The following IGF2BP1 variants were observed in gnomAD, a reference collection of about 807,000 sequenced individuals.
IGF2BP1 encodes the protein insulin-like growth factor 2 mRNA-binding protein 1.
In IGF2BP1, 11 loss-of-function variants were observed where a neutral mutation model predicts 74.9. That is an observed-to-expected ratio of 0.15 (90% CI 0.09 to 0.24). The LOEUF (loss-of-function observed/expected upper bound fraction) is 0.24. Ranked by LOEUF, IGF2BP1 falls within the 10% of genes least tolerant of loss-of-function variation. IGF2BP1 has a pLI of 1.00. For missense variants in IGF2BP1, 440 were observed against 757.4 expected (o/e 0.58, Z 4.92); for synonymous variants, 287 against 281.8 (o/e 1.02, Z -0.18).
Position 48,997,721 on chromosome 17 carries a change from C to G in IGF2BP1, c.-25C>G. ...CCGCTCGTTCGGCCTTGCCCGGGAC[C>G]GCGTCCTGCCCCGAGACCGCCACCA... On this transcript the variant is annotated 5_prime_UTR_variant, in exon 1 of 15. Coordinates refer to ENST00000290341, the MANE Select transcript of IGF2BP1 (RefSeq NM_006546.4). The surrounding 1 kb of genome is among the most constrained non-coding windows in gnomAD (Gnocchi z 4.8). The G allele has an allele frequency of 6.2e-7, 1 of 1,606,540 alleles. No homozygotes were observed. The highest frequency in any genetic ancestry group is 8.5e-7 in the Non-Finnish European group (1 of 1,175,626).
chr17:49,009,806 G>A (rs546698713), intron 2 of IGF2BP1, among the ~76,000 whole-genome samples: 8 of 151,966 alleles, frequency 5.3e-5, no homozygotes, highest in East Asian at 1.9e-4. Context: ...ATACCTGGGC[G>A]CGGTTGCTCA....
chr17:49,015,768 C>G (rs1051305766), intron 2 of IGF2BP1, among the ~76,000 whole-genome samples: 1 of 152,196 alleles, frequency 6.6e-6, no homozygotes, highest in Non-Finnish European at 1.5e-5. Flanking sequence ...CCCAGAGCTT[C>G]TGTTTTGGCC....
intron 5 of IGF2BP1, chr17:49,036,574 C>T (rs2041991450): frequency 6.6e-6 from 1 of 152,172 alleles, no homozygotes; most frequent in Non-Finnish European, 1.5e-5. Context: ...TCCTCAATTG[C>T]TGCTTCAACA....
At chr17:49,014,869 G>T in intron 2 of IGF2BP1, 1 of 985,390 alleles carries the variant, frequency 1.0e-6, no homozygotes, top group Non-Finnish European at 1.2e-6. Context: ...TGCTTTGGAG[G>T]CTGGTCTGGT....
chr17:48,999,019 C>A, intron 1 of IGF2BP1, 90 bp from the exon 2 acceptor site: 1 of 782,542 alleles, frequency 1.3e-6, no homozygotes, highest in Non-Finnish European at 2.2e-6. Context: ...CCAGTAACTC[C>A]TGAATTATCC....
At chr17:49,005,470 G>T (rs2041540466) in intron 2 of IGF2BP1, among the ~76,000 whole-genome samples, 1 of 152,176 alleles carries the variant, frequency 6.6e-6, no homozygotes, top group South Asian at 2.1e-4. Context: ...AGACCCCTTA[G>T]GACAAGTCTG....
chr17:49,040,016 C>G lies in IGF2BP1; in HGVS notation c.743C>G (p.Ser248Cys). The G allele has an allele frequency of 1.2e-6, 2 of 1,613,712 alleles. No homozygotes were observed. The highest frequency in any genetic ancestry group is 1.7e-6 in the Non-Finnish European group (2 of 1,179,996). The part of the protein sequence containing the change: ...GAAEKAISVH[S>C]TPEGCSSACK... ...GCTGAAAAAGCCATCAGTGTGCACT[C>G]CACCCCTGAGGGCTGCTCCTCCGCT... Residue 248 changes from serine (S) to cysteine (C), a missense_variant, in exon 7 of 15, where the codon TCC becomes TGC. Around this residue, in one of 5 missense-constraint regions of IGF2BP1, gnomAD observed 184 missense variants for 273.4 expected, o/e 0.67. Coordinates refer to ENST00000290341, the MANE Select transcript of IGF2BP1 (RefSeq NM_006546.4).
At chr17:49,023,997 A>G (rs1309312790) in intron 2 of IGF2BP1, among the ~76,000 whole-genome samples, 2 of 149,224 alleles carry the variant, frequency 1.3e-5, no homozygotes, top group African/African-American at 5.0e-5. Flanking sequence ...GCTCACTGCA[A>G]CCTCTGCCTC....
intron 8 of IGF2BP1, among the ~76,000 whole-genome samples, 199 bp downstream of exon 8, chr17:49,041,699 G>C (rs951538207): frequency 6.6e-6 from 1 of 152,164 alleles, no homozygotes; most frequent in African/African-American, 2.4e-5. Context: ...CTGCCATATG[G>C]GGCAGGGGTG....
intron 7 of IGF2BP1, among the ~76,000 whole-genome samples, chr17:49,040,497 G>A (rs1447420616): frequency 2.0e-5 from 3 of 152,174 alleles, no homozygotes; most frequent in East Asian, 1.9e-4. Context: ...GATTACAGGC[G>A]TGTGCCACCA....
At position 49,033,845 on chromosome 17, in the gene IGF2BP1, ACT is replaced by A. The variant is rs879827248; in HGVS notation, c.401+1878_401+1879del. ...AAATAATTATTTTATTTTTTGAGAC[ACT>A]CTCTCCCTGTTGCCCAGGCTGGAGT... On this transcript the variant is annotated intron_variant, in intron 5 of 14. Transcript: ENST00000290341. 3.8e-4 allele frequency among the ~76,000 whole-genome samples: 58 copies of A among 151,498 alleles called. No individual in the cohort carries two copies. The Middle Eastern group carries it at 0.01, about 27-fold the overall frequency.
intron 2 of IGF2BP1, 104 bp from the exon 3 acceptor site, chr17:49,025,514 G>T: frequency 1.1e-6 from 1 of 946,516 alleles, no homozygotes; most frequent in Non-Finnish European, 1.7e-6. Flanking sequence ...TTGGTGAGCA[G>T]AAGGTGGGGA....
chr17:49,046,370 T>C lies in IGF2BP1; in HGVS notation c.1638T>C (p.Ser546=), dbSNP rs1288507051. Residue 546 remains serine, a synonymous_variant, in exon 14 of 15, where the codon AGT becomes AGC. Transcript: ENST00000290341. The stretch of plus-strand genomic sequence containing the variant: ...AAATCATCGGACATTTCTATGCCAG[T>C]CAGGTACATATGGTGCTCCCCCATT... ...IVKIIGHFYA[S]QMAQRKIRDI... is the part of the protein sequence containing the mutation. 1 of 1,611,600 alleles carries C rather than the reference T, an allele frequency of 6.2e-7. No individual in the cohort carries two copies.
In IGF2BP1 at chr17:49,038,164, C is replaced by G; in HGVS notation, c.402-4C>G. ...TGACCTGTAGACTCTCACTCTGTCCCCAGAGCCATCATGAAGCTGAATGGC... is the reference window on the plus strand; with the variant it reads ...TGACCTGTAGACTCTCACTCTGTCCGCAGAGCCATCATGAAGCTGAATGGC... On this transcript the variant is annotated splice_region_variant and splice_polypyrimidine_tract_variant and intron_variant, in intron 5 of 14. Coordinates refer to ENST00000290341, the MANE Select transcript of IGF2BP1 (RefSeq NM_006546.4). 6.7e-7 allele frequency: 1 copy of G among 1,502,746 alleles called. No individual in the cohort carries two copies. The highest frequency in any genetic ancestry group is 8.9e-7 in the Non-Finnish European group (1 of 1,122,740). 93.1% of individuals were successfully genotyped at this position (1,502,746 alleles called of 1,614,324 possible).
intron 6 of IGF2BP1, among the ~76,000 whole-genome samples, chr17:49,039,321 A>C (rs2042023421): frequency 6.6e-6 from 1 of 152,188 alleles, no homozygotes; most frequent in African/African-American, 2.4e-5. Context: ...GGACATACGG[A>C]ATTCAAGCGG....
In IGF2BP1 at chr17:49,020,352, C is replaced by T. The variant is rs945275311; in HGVS notation, c.237-5266C>T. ...CCACCACACCTGGCCCTAACTTCTCCTTTAAAGGAAGGGAATTAACACGCC... is the reference window on the plus strand; with the variant it reads ...CCACCACACCTGGCCCTAACTTCTCTTTTAAAGGAAGGGAATTAACACGCC... On this transcript the variant is annotated intron_variant, in intron 2 of 14. Transcript: ENST00000290341. Among the ~76,000 whole-genome samples the T allele has an allele frequency of 4.6e-5, 7 of 152,152 alleles. No individual in the cohort carries two copies. In the South Asian group the frequency reaches 1.5e-3, roughly 32 times the overall value.
intron 5 of IGF2BP1, chr17:49,036,587 C>T (rs1226127364): frequency 2.0e-5 from 3 of 152,286 alleles, no homozygotes; most frequent in South Asian, 2.1e-4. Context: ...CTTCAACACC[C>T]GCCACGATGG....
intron 6 of IGF2BP1, among the ~76,000 whole-genome samples, chr17:49,038,663 C>T (rs2042014899): frequency 6.6e-6 from 1 of 152,020 alleles, no homozygotes. Flanking sequence ...AGGCCACACA[C>T]TCGTATTAGC....
chr17:49,039,875 T>G, intron 6 of IGF2BP1, 82 bp from the exon 7 acceptor site: 3 of 1,472,060 alleles, frequency 2.0e-6, no homozygotes, highest in Non-Finnish European at 2.8e-6. Flanking sequence ...TGCCTTTGAC[T>G]GAGGAGGGGT....
Sources: allele counts gnomAD v4.1 joint callset (sites outside exome capture counted in the v4.1 genomes callset), GRCh38; gene constraint gnomAD v4.1.1; regional missense constraint gnomAD v4.1.1; non-coding constraint Gnocchi (gnomAD v3.1); transcripts MANE v1.5; gene names NCBI Gene and HGNC (gene_info 2026-07-23, HGNC 2026-07-21).